GRIK3: variants seen among roughly 807,000 people sequenced by gnomAD.
GRIK3 encodes glutamate ionotropic receptor kainate type subunit 3.
A neutral mutation model predicts 102.5 loss-of-function variants in GRIK3; 29 were observed. That is an observed-to-expected ratio of 0.28 (90% confidence interval 0.21 to 0.39). GRIK3 has a LOEUF of 0.39. Among genes scored for constraint, GRIK3 ranks in the 10% least tolerant of loss-of-function variants. The pLI is 1.00. For missense variants in GRIK3, 908 were observed against 1,252.4 expected (o/e 0.73, Z 4.15); for synonymous variants, 511 against 504.9 (o/e 1.01, Z -0.16).
chr1:37,007,709 G>A (rs1642547272), intron 1 of GRIK3, among the ~76,000 whole-genome samples: 1 of 152,174 alleles, frequency 6.6e-6, no homozygotes, highest in African/African-American at 2.4e-5. Context: ...ACTTACAATT[G>A]GTTCAACAAT....
At chr1:36,901,853 C>A (rs1641234717) in intron 1 of GRIK3, among the ~76,000 whole-genome samples, 1 of 152,180 alleles carries the variant, frequency 6.6e-6, no homozygotes, top group Non-Finnish European at 1.5e-5. Flanking sequence ...AGAAAACTAC[C>A]TCTTGGCATT....
At chr1:36,881,033 C>A in intron 2 of GRIK3, 142 bp from the exon 3 acceptor site, 6 of 822,372 alleles carry the variant, frequency 7.3e-6, no homozygotes, top group Non-Finnish European at 1.1e-5. Flanking sequence ...CTCTCTGAAC[C>A]TCAGTTTCCT....
intron 1 of GRIK3, among the ~76,000 whole-genome samples, chr1:36,974,799 C>CAAAAAA (rs60896978): frequency 9.9e-6 from 1 of 100,620 alleles, no homozygotes; most frequent in Non-Finnish European, 2.2e-5. Flanking sequence ...GACTCTGTCT[C>CAAAAAA]AAAAAAAAAA....
intron 11 of GRIK3, among the ~76,000 whole-genome samples, chr1:36,820,688 A>G (rs1256474997): frequency 2.0e-5 from 3 of 152,266 alleles, no homozygotes; most frequent in Non-Finnish European, 4.4e-5. Context: ...TTTATAAAAT[A>G]TTCAGACAGT....
intron 1 of GRIK3, among the ~76,000 whole-genome samples, chr1:36,926,591 G>A (rs111326491): frequency 3.8e-4 from 58 of 152,054 alleles, no homozygotes; most frequent in Admixed American, 9.8e-4. Context: ...GGCTTTCACC[G>A]TATTGGCCAG....
At chr1:36,811,766 C>T (rs1268882638) in intron 13 of GRIK3, among the ~76,000 whole-genome samples, 32 of 152,186 alleles carry the variant, frequency 2.1e-4, no homozygotes, top group Admixed American at 2.1e-3. Context: ...AAGCCTTTGA[C>T]CTAAGTCCTC....
intron 5 of GRIK3, among the ~76,000 whole-genome samples, chr1:36,866,234 G>A (rs752699400): frequency 1.1e-4 from 17 of 152,186 alleles, no homozygotes; most frequent in Non-Finnish European, 4.4e-5. Flanking sequence ...GGGATTTCAG[G>A]AGGCTCCGTT....
Position 36,801,891 on chromosome 1 carries a change from C to G in GRIK3, c.2720G>C (p.Ser907Thr), listed in dbSNP as rs1642444468. Residue 907 changes from serine to threonine, a missense_variant, in exon 16 of 16, where the codon AGC becomes ACC. Ser to Thr is a moderately conservative substitution (Grantham distance 58, BLOSUM62 1). Around this residue, in one of 3 missense-constraint regions of GRIK3, gnomAD observed 297 missense variants for 362.7 expected, o/e 0.82. Coordinates refer to ENST00000373091, the MANE Select transcript of GRIK3 (RefSeq NM_000831.4). ...GGCTAAGGATGTGCTGCAGGCCATGCTGTCCTTGCCGGGAAGCCGGCGGTC... is the reference window on the plus strand; with the variant it reads ...GGCTAAGGATGTGCTGCAGGCCATGGTGTCCTTGCCGGGAAGCCGGCGGTC... Reference protein sequence around the residue: ...FNDRRLPGKDSMACSTSLAPV... With the variant: ...FNDRRLPGKDTMACSTSLAPV... 6.2e-7 allele frequency: 1 copy of G among 1,612,740 alleles called. No individual in the cohort carries two copies. The highest frequency in any genetic ancestry group is 8.5e-7 in the Non-Finnish European group (1 of 1,179,302).
At chr1:36,827,557 A>G (rs1458908653) in intron 10 of GRIK3, among the ~76,000 whole-genome samples, 1 of 152,228 alleles carries the variant, frequency 6.6e-6, no homozygotes, top group African/African-American at 2.4e-5. Flanking sequence ...CACCAGGGAT[A>G]CAGAGCTGAC....
intron 1 of GRIK3, among the ~76,000 whole-genome samples, chr1:37,001,424 A>G (rs982895131): frequency 2.6e-5 from 4 of 152,182 alleles, no homozygotes; most frequent in African/African-American, 9.7e-5. Context: ...TCTGCAGCCA[A>G]TTCCCCTGGC....
chr1:37,010,049 C>T (rs545533506), intron 1 of GRIK3, among the ~76,000 whole-genome samples: 74 of 152,212 alleles, frequency 4.9e-4, no homozygotes, highest in Non-Finnish European at 7.2e-4. Context: ...CTGTATTTAC[C>T]GACATCTTTG....
rs1642405964 is a variant in GRIK3, at chr1:36,799,292, CA to C, written c.*2558del. 6.6e-6 allele frequency: 1 copy of C among 152,236 alleles called. No individual in the cohort carries two copies. The highest frequency in any genetic ancestry group is 2.1e-4 in the South Asian group (1 of 4,824). The allele number at this position is 152,236 out of a possible 1,614,324, so 9.4% of individuals were successfully genotyped here. ...AATGATCTCTCCCATGACAGAAGTG[CA>C]AACAGACCCTGGTGCCCGGCCTTCC... is the stretch of plus-strand genomic sequence containing the variant. On this transcript the variant is annotated 3_prime_UTR_variant, in exon 16 of 16. Coordinates refer to ENST00000373091, the MANE Select transcript of GRIK3 (RefSeq NM_000831.4).
Position 36,807,629 on chromosome 1 carries a change from C to G in GRIK3, c.2092-1303G>C, listed in dbSNP as rs377267487. On this transcript the variant is annotated intron_variant, in intron 13 of 15. Transcript: ENST00000373091. ...CTGGGAGGAAAGTGTACTTTCTATT[C>G]TCCAGGTGCTTCCTAGATCTGGCAA... Among the ~76,000 whole-genome samples the G allele has an allele frequency of 1.6e-4, 24 of 152,250 alleles. No individual in the cohort carries two copies. In the East Asian group the frequency reaches 4.6e-3, roughly 29 times the overall value.
rs1288344822 is a variant in GRIK3, at chr1:36,799,105, C to T, written c.*2746G>A. 4 of 152,180 alleles carry T rather than the reference C, an allele frequency of 2.6e-5. No homozygotes were observed. Among genetic ancestry groups the T allele is most frequent in the African/African-American group, 9.7e-5 (4 of 41,442 alleles). The allele number at this position is 152,180 out of a possible 1,614,324, so 9.4% of individuals were successfully genotyped here. Reference sequence around the variant, plus strand: ...TTTGCTGACAGCAAATTGGCAAATACCTTCATTAGAATCCTGTTACCTGGG... The same window carrying T: ...TTTGCTGACAGCAAATTGGCAAATATCTTCATTAGAATCCTGTTACCTGGG... On this transcript the variant is annotated 3_prime_UTR_variant, in exon 16 of 16. Transcript: ENST00000373091.
At chr1:36,980,420 C>T (rs541335409) in intron 1 of GRIK3, among the ~76,000 whole-genome samples, 2 of 151,706 alleles carry the variant, frequency 1.3e-5, no homozygotes, top group South Asian at 4.2e-4. Flanking sequence ...CTTCTCTTTG[C>T]TCCTCCCTCT....
At chr1:36,988,512 G>A (rs1642330147) in intron 1 of GRIK3, among the ~76,000 whole-genome samples, 9 of 152,228 alleles carry the variant, frequency 5.9e-5, no homozygotes, top group Admixed American at 5.9e-4. Context: ...CCGGCCAGAT[G>A]GGCAGCGACC....
intron 1 of GRIK3, among the ~76,000 whole-genome samples, chr1:36,914,064 G>A (rs975645463): frequency 2.6e-5 from 4 of 152,212 alleles, no homozygotes; most frequent in African/African-American, 7.2e-5. Flanking sequence ...TACCAGGGAG[G>A]TCCCACACTG....
intron 1 of GRIK3, among the ~76,000 whole-genome samples, chr1:36,984,186 ACACT>A (rs1642279779): frequency 6.6e-6 from 1 of 151,896 alleles, no homozygotes; most frequent in Admixed American, 6.5e-5. Flanking sequence ...ATGCTCTAAC[ACACT>A]CACACGTTTG....
intron 1 of GRIK3, among the ~76,000 whole-genome samples, chr1:37,018,237 C>T (rs770797891): frequency 5.3e-5 from 8 of 152,206 alleles, no homozygotes; most frequent in African/African-American, 7.2e-5. Flanking sequence ...GTGGGCAAAA[C>T]AGGCCTGGTT....
Sources: gnomAD v4.1 joint callset for allele counts (sites outside exome capture counted in the v4.1 genomes callset) on GRCh38, gnomAD v4.1.1 for gene constraint, gnomAD v4.1.1 regional missense constraint, MANE v1.5 for transcripts, NCBI Gene and HGNC (gene_info 2026-07-23, HGNC 2026-07-21) for gene names.